Variants in SOX5 observed in about 807,000 individuals in gnomAD.
The protein encoded by SOX5 is SRY-box transcription factor 5, also known as transcription factor SOX-5.
A neutral mutation model predicts 92.0 loss-of-function variants in SOX5; 9 were observed. The ratio of observed to expected loss-of-function variants is 0.10; its 90% CI spans 0.06 to 0.17. SOX5 has a LOEUF of 0.17. Ranked by LOEUF, SOX5 falls within the 10% of genes least tolerant of loss-of-function variation. The pLI is 1.00. For missense variants in SOX5, 642 were observed against 944.5 expected, an observed-to-expected ratio of 0.68 and a Z score of 4.20; for synonymous variants, 344 against 336.3, an observed-to-expected ratio of 1.02 and a Z score of -0.25.
intron 1 of SOX5, among the ~76,000 whole-genome samples, chr12:24,395,712 T>C (rs1430979068): frequency 1.3e-5 from 2 of 152,236 alleles, no homozygotes; most frequent in African/African-American, 2.4e-5. Flanking sequence ...GCTAGGGTGC[T>C]AGAAATAAAT....
intron 1 of SOX5, among the ~76,000 whole-genome samples, chr12:24,494,784 T>C (rs1487964426): frequency 3.3e-5 from 5 of 152,016 alleles, no homozygotes; most frequent in Non-Finnish European, 1.5e-5. Context: ...TTAAAGAAAT[T>C]TGATTACTCT....
At chr12:23,841,592 C>T (rs1399220413) in intron 3 of SOX5, among the ~76,000 whole-genome samples, 1 of 152,030 alleles carries the variant, frequency 6.6e-6, no homozygotes, top group Non-Finnish European at 1.5e-5. Context: ...GTGGTATATT[C>T]ATACAATGGA....
chr12:23,864,566 T>C (rs2096791415), intron 2 of SOX5, among the ~76,000 whole-genome samples: 1 of 152,152 alleles, frequency 6.6e-6, no homozygotes, highest in Non-Finnish European at 1.5e-5. Context: ...AAAACAGCCT[T>C]ATCCTTAATA....
At position 24,469,466 on chromosome 12, in the gene SOX5, G is replaced by A. The variant is rs143677024; in HGVS notation, c.-251+92863C>T. On this transcript the variant is annotated intron_variant, in intron 1 of 4. Transcript: ENST00000446891. ...CCTTTTTCTACAGCTCTTTATTTAC[G>A]GGTTGGGTTTCTCTCCCTTTTGTAT... 1.8e-3 allele frequency among the ~76,000 whole-genome samples: 273 copies of A among 152,118 alleles called. 2 individuals carry two copies. Among genetic ancestry groups the A allele is most frequent in the African/African-American group, 6.2e-3 (259 of 41,500 alleles).
intron 4 of SOX5, among the ~76,000 whole-genome samples, chr12:23,969,345 C>A (rs1467164818): frequency 6.6e-6 from 1 of 151,740 alleles, no homozygotes; most frequent in African/African-American, 2.4e-5. Context: ...CCACACTGTA[C>A]CGAGACCAAT....
At chr12:24,323,430 T>C (rs1175346613) in intron 2 of SOX5, among the ~76,000 whole-genome samples, 1 of 151,866 alleles carries the variant, frequency 6.6e-6, no homozygotes, top group African/African-American at 2.4e-5. Context: ...TTCTAGCACA[T>C]ACACTCAAAC....
intron 7 of SOX5, among the ~76,000 whole-genome samples, chr12:23,644,593 T>C (rs1017052408): frequency 2.0e-5 from 3 of 152,174 alleles, no homozygotes; most frequent in African/African-American, 4.8e-5. Context: ...GCAAACTTTA[T>C]AAGAAGGTAC....
intron 4 of SOX5, among the ~76,000 whole-genome samples, chr12:24,063,917 G>A (rs1184325062): frequency 6.6e-6 from 1 of 152,108 alleles, no homozygotes; most frequent in Admixed American, 6.5e-5. Flanking sequence ...GGTCAATGAG[G>A]TAATAAGTCA....
rs2136693007 is a variant in SOX5 at position 24,405,307 on chromosome 12, A to G, written c.-250-36668T>C. Among the ~76,000 whole-genome samples, 2 of 152,226 alleles carry G rather than the reference A, an allele frequency of 1.3e-5. 1 individual carries two copies. The highest frequency in any genetic ancestry group is 2.9e-5 in the Non-Finnish European group (2 of 67,994). On this transcript the variant is annotated intron_variant, in intron 1 of 4. Transcript: ENST00000446891. ...ATATTTTATCATGGGGGGGTATACT[A>G]TTTGAAGTATTTTATCTCATTTCCT...
rs533366112 is a variant in SOX5 at position 23,641,840 on chromosome 12, A to G, written c.932-943T>C. Among the ~76,000 whole-genome samples the G allele has an allele frequency of 1.6e-4, 25 of 152,346 alleles. 1 individual carries two copies. In the South Asian group the frequency reaches 4.8e-3, roughly 29 times the overall value. ...GCATAAAACATTTTGTAGAAATCTA[A>G]TTTATAAAAAATGTGTTGAATATTG... is the stretch of plus-strand genomic sequence containing the variant. On this transcript the variant is annotated intron_variant, in intron 7 of 14. Transcript: ENST00000451604.
chr12:24,031,835 G>A (rs1448715146), intron 4 of SOX5, among the ~76,000 whole-genome samples: 2 of 151,644 alleles, frequency 1.3e-5, no homozygotes, highest in East Asian at 1.9e-4. Flanking sequence ...AACTAAGGCA[G>A]GAGTGACATT....
At chr12:24,208,813 C>G (rs559514066) in intron 4 of SOX5, among the ~76,000 whole-genome samples, 39 of 152,150 alleles carry the variant, frequency 2.6e-4, no homozygotes, top group African/African-American at 7.9e-4. Flanking sequence ...CCTTCAAAAA[C>G]AACCAAAAAA....
chr12:24,086,896 G>A (rs533724747), intron 4 of SOX5, among the ~76,000 whole-genome samples: 29 of 152,088 alleles, frequency 1.9e-4, no homozygotes, highest in African/African-American at 5.1e-4. Flanking sequence ...TCATTTACTC[G>A]AATAATCTTT....
At chr12:23,938,567 G>A (rs1162025502) in intron 1 of SOX5, among the ~76,000 whole-genome samples, 1 of 150,966 alleles carries the variant, frequency 6.6e-6, no homozygotes, top group African/African-American at 2.4e-5. Flanking sequence ...TCGTGATTAT[G>A]CAAAAATAAG....
intron 3 of SOX5, among the ~76,000 whole-genome samples, chr12:23,804,109 T>C (rs1196573645): frequency 2.0e-5 from 3 of 152,174 alleles, no homozygotes; most frequent in Non-Finnish European, 4.4e-5. Flanking sequence ...AATGATCATA[T>C]TTGGAAGTCA....
chr12:24,021,818 C>T (rs943365789), intron 4 of SOX5, among the ~76,000 whole-genome samples: 3 of 152,180 alleles, frequency 2.0e-5, no homozygotes, highest in Non-Finnish European at 2.9e-5. Context: ...TTTTCAGCCT[C>T]TGCCTTCTTC....
At position 24,038,003 on chromosome 12, in the gene SOX5, A is replaced by G. The variant is rs565131981; in HGVS notation, c.-1-141979T>C. ...TAAATATTTTTAGGTTGCTTTCTGA[A>G]GCCACTCAGTTACCTATTTCCCCAG... On this transcript the variant is annotated intron_variant, in intron 4 of 4. Coordinates refer to the SOX5 transcript ENST00000446891. Among the ~76,000 whole-genome samples the G allele has an allele frequency of 5.9e-5, 9 of 152,304 alleles. No homozygotes were observed. In the South Asian group the frequency reaches 1.9e-3, roughly 32 times the overall value.
chr12:23,594,185 G>T (rs1382211905), intron 9 of SOX5, among the ~76,000 whole-genome samples: 2 of 151,694 alleles, frequency 1.3e-5, no homozygotes, highest in Non-Finnish European at 2.9e-5. Flanking sequence ...AAAACCTGCT[G>T]ATGAAATGAA....
At chr12:23,792,980 G>A (rs977422094) in intron 3 of SOX5, among the ~76,000 whole-genome samples, 2 of 152,078 alleles carry the variant, frequency 1.3e-5, no homozygotes, top group Admixed American at 6.6e-5. Flanking sequence ...CCTTAATTAA[G>A]GTTTTCGAAA....
Sources: allele counts gnomAD v4.1 joint callset (sites outside exome capture counted in the v4.1 genomes callset), GRCh38; gene constraint gnomAD v4.1.1; transcripts MANE v1.5; gene names NCBI Gene and HGNC (gene_info 2026-07-23, HGNC 2026-07-21).